Variants in RAX observed in about 807,000 individuals in gnomAD.
RAX encodes the protein retina and anterior neural fold homeobox.
In RAX, 11 loss-of-function variants were observed where a neutral mutation model predicts 17.4. The ratio of observed to expected loss-of-function variants is 0.63; its 90% CI spans 0.40 to 1.05. The LOEUF (loss-of-function observed/expected upper bound fraction) is 1.05, where lower values mean the gene tolerates loss of function less well. Among genes scored for constraint, RAX ranks in the 50% least tolerant of loss-of-function variants. The probability of loss-of-function intolerance (pLI) is 0.00; values close to 1 mark genes in which losing one functional copy is unlikely to be tolerated. For missense variants in RAX, 527 were observed against 501.1 expected (o/e 1.05, Z -0.49); for synonymous variants, 276 against 254.7 (o/e 1.08, Z -0.80).
Position 59,273,222 on chromosome 18 carries a change from G to A in RAX, c.-16C>T. On this transcript the variant is annotated 5_prime_UTR_variant, in exon 1 of 3. Coordinates refer to ENST00000334889, the MANE Select transcript of RAX (RefSeq NM_013435.3). ...GCAGGTGCATGGGGAGCGCCGGGAG[G>A]CGGGAGGGCGCTTTGGAGACGGAGA... is the stretch of plus-strand genomic sequence containing the variant. The A allele has an allele frequency of 2.0e-6, 3 of 1,523,590 alleles. No homozygotes were observed. The highest frequency in any genetic ancestry group is 2.6e-6 in the Non-Finnish European group (3 of 1,141,246). 94.4% of individuals were successfully genotyped at this position (1,523,590 alleles called of 1,614,324 possible). A position where few individuals can be genotyped will look rare whatever the true frequency, so the allele number is the denominator to read the frequency against.
rs1351113707 is a variant in RAX, at chr18:59,267,190, T to G, written c.*1814A>C. The G allele has an allele frequency of 6.6e-6, 1 of 152,204 alleles. No homozygotes were observed. The highest frequency in any genetic ancestry group is 1.5e-5 in the Non-Finnish European group (1 of 68,052). The allele number at this position is 152,204 out of a possible 1,614,324, so 9.4% of individuals were successfully genotyped here. ...AATTTATTCAGTACATTTTTACTGA[T>G]CAGCCTACTGTGTGCAAGGCACCAT... On this transcript the variant is annotated 3_prime_UTR_variant, in exon 3 of 3. Coordinates refer to ENST00000334889, the MANE Select transcript of RAX (RefSeq NM_013435.3).
rs553896136 is a variant in RAX at position 59,272,828 on chromosome 18, A to C, written c.289+90T>G. 1,299 of 1,464,434 alleles carry C rather than the reference A, an allele frequency of 8.9e-4. 7 individuals are homozygous for C. The African/African-American group carries it at 0.016, about 18-fold the overall frequency. 90.7% of individuals were successfully genotyped at this position (1,464,434 alleles called of 1,614,324 possible). On this transcript the variant is annotated intron_variant, in intron 1 of 2. Transcript: ENST00000334889. Reference sequence around the variant, plus strand: ...CCCCAACCCCGCGCCCAGTTGCCTTAATAAAAGTTAAGGAAGGGGCGCTCT... The same window carrying C: ...CCCCAACCCCGCGCCCAGTTGCCTTCATAAAAGTTAAGGAAGGGGCGCTCT...
chr18:59,269,973 T>A (rs2144152412), intron 2 of RAX, among the ~76,000 whole-genome samples: 1 of 152,342 alleles, frequency 6.6e-6, no homozygotes, highest in East Asian at 1.9e-4. Context: ...GACCTTCTGG[T>A]TGGCAGCCCC....
chr18:59,272,472 G>A lies in RAX; in HGVS notation c.432C>T (p.Thr144=). The A allele has an allele frequency of 4.3e-6, 7 of 1,614,238 alleles. No individual in the cohort carries two copies. Among genetic ancestry groups the A allele is most frequent in the Non-Finnish European group, 5.1e-6 (6 of 1,180,046 alleles). Residue 144 remains threonine, a synonymous_variant, in exon 2 of 3, where the codon ACC becomes ACT. Transcript: ENST00000334889. ...GCTCCAGCTCATGCAGCTGGTACGTGGTGAAAGTCGTGCGGTTCCGCCGAT... is the reference window on the plus strand; with the variant it reads ...GCTCCAGCTCATGCAGCTGGTACGTAGTGAAAGTCGTGCGGTTCCGCCGAT... ...KKHRRNRTTF[T]TYQLHELERA...
At chr18:59,269,524 C>A (rs1351991085) in intron 2 of RAX, 23 bp from the exon 3 acceptor site, 6 of 1,593,920 alleles carry the variant, frequency 3.8e-6, no homozygotes, top group Non-Finnish European at 5.1e-6. Flanking sequence ...GCACAGGGGC[C>A]GTCGGGCAGC....
At position 59,273,406 on chromosome 18, in the gene RAX, C is replaced by G; in HGVS notation, c.-200G>C. The G allele has an allele frequency of 1.7e-6, 1 of 598,794 alleles. No individual in the cohort carries two copies. The highest frequency in any genetic ancestry group is 2.8e-6 in the Non-Finnish European group (1 of 360,828). The allele number at this position is 598,794 out of a possible 1,614,324, so 37.1% of individuals were successfully genotyped here. ...GCCTTAGTCCCAGAAGTCGGAAGTT[C>G]GGGCTCGGGGTAGCTGGGGCTCTCG... On this transcript the variant is annotated 5_prime_UTR_variant, in exon 1 of 3. Transcript: ENST00000334889.
rs1463481938 is a variant in RAX at position 59,269,372 on chromosome 18, C to G, written c.673G>C (p.Gly225Arg). ...SPPSATLSPL[G>R]AGPGSGGGPA... is the part of the protein sequence containing the mutation. ...CCGCCACCGCTGCCCGGGCCCGCCC[C>G]GAGGGGCGACAGCGTCGCGGAGGGC... The change falls in exon 3 of 3, where the codon GGG (glycine) becomes CGG (arginine). Residue 225 changes from glycine (G) to arginine (R), a missense_variant. By Grantham distance (125) the Gly-to-Arg change is moderately radical. Coordinates refer to ENST00000334889, the MANE Select transcript of RAX (RefSeq NM_013435.3). 13 of 1,486,330 alleles carry G rather than the reference C, an allele frequency of 8.7e-6. No individual in the cohort carries two copies. Among genetic ancestry groups the G allele is most frequent in the Non-Finnish European group, 1.2e-5 (13 of 1,122,584 alleles). The allele number at this position is 1,486,330 out of a possible 1,614,324, so 92.1% of individuals were successfully genotyped here.
In RAX at chr18:59,269,319, C is replaced by T. The variant is rs1397483213; in HGVS notation, c.726G>A (p.Glu242=). The part of the protein sequence containing the change: ...GGPAGGALPL[E]SWLGPPLPGG... The stretch of plus-strand genomic sequence containing the variant: ...CCGGCAGCGGCGGCCCGAGCCAGGA[C>T]TCCAGCGGCAGCGCGCCCCCAGCCG... Residue 242 remains glutamate, a synonymous_variant, in exon 3 of 3, where the codon GAG becomes GAA. Coordinates refer to ENST00000334889, the MANE Select transcript of RAX (RefSeq NM_013435.3). 7.7e-7 allele frequency: 1 copy of T among 1,301,130 alleles called. No homozygotes were observed. The highest frequency in any genetic ancestry group is 1.6e-5 in the African/African-American group (1 of 64,306). The allele number at this position is 1,301,130 out of a possible 1,614,324, so 80.6% of individuals were successfully genotyped here. A position where few individuals can be genotyped will look rare whatever the true frequency, so the allele number is the denominator to read the frequency against.
chr18:59,269,244 C>T lies in RAX; in HGVS notation c.801G>A (p.Ala267=). 6.6e-7 allele frequency: 1 copy of T among 1,505,356 alleles called. No individual in the cohort carries two copies. Among genetic ancestry groups the T allele is most frequent in the Non-Finnish European group, 8.8e-7 (1 of 1,134,336 alleles). 93.2% of individuals were successfully genotyped at this position (1,505,356 alleles called of 1,614,324 possible). A position where few individuals can be genotyped will look rare whatever the true frequency, so the allele number is the denominator to read the frequency against. Residue 267 remains alanine, a synonymous_variant, in exon 3 of 3, where the codon GCG becomes GCA. Transcript: ENST00000334889. ...LQSLPGFGPP[A]QSLPASYTPP... ...GCGTGTAGCTGGCAGGCAGGCTCTG[C>T]GCCGGCGGCCCGAAGCCCGGCAGGC...
Position 59,267,187 on chromosome 18 carries a change from T to C in RAX, c.*1817A>G, listed in dbSNP as rs769710821. On this transcript the variant is annotated 3_prime_UTR_variant, in exon 3 of 3. Coordinates refer to ENST00000334889, the MANE Select transcript of RAX (RefSeq NM_013435.3). ...AATAATTTATTCAGTACATTTTTAC[T>C]GATCAGCCTACTGTGTGCAAGGCAC... 14 of 152,238 alleles carry C rather than the reference T, an allele frequency of 9.2e-5. No individual in the cohort carries two copies. Among genetic ancestry groups the C allele is most frequent in the Non-Finnish European group, 1.5e-4 (10 of 68,048 alleles). 9.4% of individuals were successfully genotyped at this position (152,238 alleles called of 1,614,324 possible). A position where few individuals can be genotyped will look rare whatever the true frequency, so the allele number is the denominator to read the frequency against.
In RAX at chr18:59,268,987, G is replaced by A. The variant is rs746865639; in HGVS notation, c.*17C>T. On this transcript the variant is annotated 3_prime_UTR_variant, in exon 3 of 3. Transcript: ENST00000334889. This position sits in a 1 kb window ranked among gnomAD's most constrained non-coding sequence, Gnocchi z 4.4. ...CGGTCGGCCCGGGGTCGGATCCCAA[G>A]ACGTTCCCCAGTGCCCCTAGAGGGC... is the stretch of plus-strand genomic sequence containing the variant. The A allele has an allele frequency of 3.1e-6, 5 of 1,612,962 alleles. No homozygotes were observed. The Admixed American group carries it at 5.0e-5, about 16-fold the overall frequency.
At position 59,273,431 on chromosome 18, in the gene RAX, G is replaced by C. The variant is rs573283925; in HGVS notation, c.-225C>G. 238 of 554,284 alleles carry C rather than the reference G, an allele frequency of 4.3e-4. No individual in the cohort carries two copies. Among genetic ancestry groups the C allele is most frequent in the Non-Finnish European group, 5.9e-4 (191 of 321,968 alleles). The allele number at this position is 554,284 out of a possible 1,614,324, so 34.3% of individuals were successfully genotyped here. ...CGGGCTCGGGGTAGCTGGGGCTCTCGGCGCTAAAGGCGGGGAGCCAACTGG... is the reference window on the plus strand; with the variant it reads ...CGGGCTCGGGGTAGCTGGGGCTCTCCGCGCTAAAGGCGGGGAGCCAACTGG... On this transcript the variant is annotated 5_prime_UTR_variant, in exon 1 of 3. Transcript: ENST00000334889.
Position 59,272,943 on chromosome 18 carries a change from G to T in RAX, c.264C>A (p.Ala88=). ...EEGSEPSPPP[A]PAPAPEYEAP... is the part of the protein sequence containing the mutation. ...CTTCGTACTCGGGGGCGGGCGCCGG[G>T]GCTGGCGGCGGGGAGGGCTCGGAGC... The change falls in exon 1 of 3, where the codon GCC becomes GCA. Residue 88 remains alanine (A), a synonymous_variant. Transcript: ENST00000334889. 1.4e-6 allele frequency: 2 copies of T among 1,461,326 alleles called. No homozygotes were observed. Among genetic ancestry groups the T allele is most frequent in the Non-Finnish European group, 1.8e-6 (2 of 1,123,144 alleles). 90.5% of individuals were successfully genotyped at this position (1,461,326 alleles called of 1,614,324 possible). A position where few individuals can be genotyped will look rare whatever the true frequency, so the allele number is the denominator to read the frequency against.
chr18:59,269,327 G>T lies in RAX; in HGVS notation c.718C>A (p.Pro240Thr), dbSNP rs1398849685. ...SGGGPAGGAL[P>T]LESWLGPPLP... ...GGCGGCCCGAGCCAGGACTCCAGCG[G>T]CAGCGCGCCCCCAGCCGGCCCGCCA... Residue 240 changes from proline (P) to threonine (T), a missense_variant, in exon 3 of 3, where the codon CCG becomes ACG. Transcript: ENST00000334889. The T allele has an allele frequency of 2.3e-6, 3 of 1,301,490 alleles. No homozygotes were observed. The highest frequency in any genetic ancestry group is 6.4e-5 in the East Asian group (2 of 31,060). The allele number at this position is 1,301,490 out of a possible 1,614,324, so 80.6% of individuals were successfully genotyped here.
intron 2 of RAX, among the ~76,000 whole-genome samples, chr18:59,270,015 A>G (rs2070324769): frequency 6.6e-6 from 1 of 152,176 alleles, no homozygotes; most frequent in African/African-American, 2.4e-5. Context: ...TGTTCTCTGT[A>G]TGGTACAGAT....
rs1265682365 is a variant in RAX at position 59,268,467 on chromosome 18, C to G, written c.*537G>C. 1 of 155,488 alleles carries G rather than the reference C, an allele frequency of 6.4e-6. No individual in the cohort carries two copies. The highest frequency in any genetic ancestry group is 2.4e-5 in the African/African-American group (1 of 41,506). 9.6% of individuals were successfully genotyped at this position (155,488 alleles called of 1,614,324 possible). Reference sequence around the variant, plus strand: ...CCCTGTCCGTCAACGCACCCTCCTCCCGTACCCCAATATTCACTCCTCTCC... The same window carrying G: ...CCCTGTCCGTCAACGCACCCTCCTCGCGTACCCCAATATTCACTCCTCTCC... On this transcript the variant is annotated 3_prime_UTR_variant, in exon 3 of 3. Transcript: ENST00000334889. The surrounding 1 kb of genome is among the most constrained non-coding windows in gnomAD (Gnocchi z 4.4).
At position 59,273,196 on chromosome 18, in the gene RAX, G is replaced by A; in HGVS notation, c.11C>T (p.Pro4Leu). The A allele has an allele frequency of 2.0e-6, 3 of 1,530,452 alleles. No individual in the cohort carries two copies. The highest frequency in any genetic ancestry group is 2.6e-6 in the Non-Finnish European group (3 of 1,144,328). 94.8% of individuals were successfully genotyped at this position (1,530,452 alleles called of 1,614,324 possible). The change falls in exon 1 of 3, where the codon CCG (proline) becomes CTG (leucine). Residue 4 changes from proline to leucine, a missense_variant. Pro to Leu is a moderately conservative substitution (Grantham distance 98, BLOSUM62 -3). Coordinates refer to ENST00000334889, the MANE Select transcript of RAX (RefSeq NM_013435.3). Reference protein sequence around the residue: MHLPGCAPAMADGS... With the variant: MHLLGCAPAMADGS... ...GTCGGCCATGGCTGGCGCGCAGCCC[G>A]GCAGGTGCATGGGGAGCGCCGGGAG...
rs1603388683 is a variant in RAX, at chr18:59,268,742, C to G, written c.*262G>C. The G allele has an allele frequency of 1.7e-6, 1 of 594,112 alleles. No individual in the cohort carries two copies. Among genetic ancestry groups the G allele is most frequent in the African/African-American group, 1.9e-5 (1 of 52,542 alleles). 36.8% of individuals were successfully genotyped at this position (594,112 alleles called of 1,614,324 possible). A position where few individuals can be genotyped will look rare whatever the true frequency, so the allele number is the denominator to read the frequency against. On this transcript the variant is annotated 3_prime_UTR_variant, in exon 3 of 3. Transcript: ENST00000334889. The surrounding 1 kb of genome is among the most constrained non-coding windows in gnomAD (Gnocchi z 4.4). ...TGGGAGCGGCGTGGCCAGCGGGGCCCGGCAGCCTGTTGCCCTCCAGCTGCA... is the reference window on the plus strand; with the variant it reads ...TGGGAGCGGCGTGGCCAGCGGGGCCGGGCAGCCTGTTGCCCTCCAGCTGCA...
In RAX at chr18:59,273,183, TG is replaced by T. The variant is rs1568098159; in HGVS notation, c.23del (p.Pro8GlnfsTer195). The T allele has an allele frequency of 5.9e-6, 9 of 1,531,328 alleles. No homozygotes were observed. The highest frequency in any genetic ancestry group is 7.9e-6 in the Non-Finnish European group (9 of 1,144,782). 94.9% of individuals were successfully genotyped at this position (1,531,328 alleles called of 1,614,324 possible). A position where few individuals can be genotyped will look rare whatever the true frequency, so the allele number is the denominator to read the frequency against. On this transcript the variant is annotated frameshift_variant, in exon 1 of 3. Coordinates refer to ENST00000334889, the MANE Select transcript of RAX (RefSeq NM_013435.3). LOFTEE classifies it high-confidence loss of function. The stretch of plus-strand genomic sequence containing the variant: ...GCGAGAAGCTCCCGTCGGCCATGGC[TG>T]GCGCGCAGCCCGGCAGGTGCATGGG... MHLPGCAPAMADGSFSLA... is the reference protein window; with the variant it reads MHLPGCAXAMADGSFSLA...
Sources: allele counts gnomAD v4.1 joint callset (sites outside exome capture counted in the v4.1 genomes callset), GRCh38; gene constraint gnomAD v4.1.1; non-coding constraint Gnocchi (gnomAD v3.1); transcripts MANE v1.5; gene names NCBI Gene and HGNC (gene_info 2026-07-23, HGNC 2026-07-21).